Variants in TOP6BL observed in about 807,000 individuals in gnomAD.
The protein encoded by TOP6BL is type 2 DNA topoisomerase 6 subunit B-like.
the TOP6BL span, among the ~76,000 whole-genome samples, chr11:66,752,222 T>C: frequency 6.6e-6 from 1 of 151,992 alleles, no homozygotes; most frequent in South Asian, 2.1e-4. Flanking sequence ...AAAGAGTGTT[T>C]GGAAGGTAAA....
At chr11:66,806,692 C>T in the TOP6BL span, among the ~76,000 whole-genome samples, 1 of 152,062 alleles carries the variant, frequency 6.6e-6, no homozygotes, top group Non-Finnish European at 1.5e-5. Context: ...TACTTGAACC[C>T]AGGAGGCAGA....
chr11:66,811,281 CT>C, the TOP6BL span, among the ~76,000 whole-genome samples: 1 of 152,174 alleles, frequency 6.6e-6, no homozygotes, highest in Non-Finnish European at 1.5e-5. Flanking sequence ...AATCAGGCCC[CT>C]GAAATGATTT....
the TOP6BL span, among the ~76,000 whole-genome samples, chr11:66,783,302 G>A: frequency 6.6e-6 from 1 of 152,186 alleles, no homozygotes; most frequent in Admixed American, 6.5e-5. Context: ...GTTGAAGGCT[G>A]CAGTGAGCTA....
At chr11:66,765,758 C>T in the TOP6BL span, among the ~76,000 whole-genome samples, 1 of 152,188 alleles carries the variant, frequency 6.6e-6, no homozygotes, top group Non-Finnish European at 1.5e-5. Context: ...TCAGGTGATC[C>T]ACCCGCCTCG....
chr11:66,800,714 T>C, the TOP6BL span: 4 of 1,568,536 alleles, frequency 2.6e-6, no homozygotes, highest in African/African-American at 1.4e-5. Flanking sequence ...CTTAGGTCTA[T>C]GGCTTAAGAT....
the TOP6BL span, among the ~76,000 whole-genome samples, chr11:66,805,855 T>TTAA: frequency 1.1e-4 from 17 of 152,310 alleles, no homozygotes; most frequent in African/African-American, 4.1e-4. Flanking sequence ...TATTACACAT[T>TTAA]TAAAATGAGT....
At chr11:66,745,365 T>G in the TOP6BL span, among the ~76,000 whole-genome samples, 1 of 151,156 alleles carries the variant, frequency 6.6e-6, no homozygotes, top group African/African-American at 2.4e-5. Context: ...CAGTGCAGAC[T>G]GGGAGCGAGG....
chr11:66,761,581 G>T, the TOP6BL span: 1 of 1,165,314 alleles, frequency 8.6e-7, no homozygotes, highest in Non-Finnish European at 1.2e-6. Context: ...TGCTCTACTG[G>T]CTCTTGACAA....
At chr11:66,843,354 G>T in the TOP6BL span, 1 of 1,461,272 alleles carries the variant, frequency 6.8e-7, no homozygotes, top group Non-Finnish European at 9.0e-7. Flanking sequence ...TCCGCGTCGG[G>T]CCCGGGCGGG....
At chr11:66,825,537 A>G in the TOP6BL span, among the ~76,000 whole-genome samples, 1 of 150,806 alleles carries the variant, frequency 6.6e-6, no homozygotes, top group Non-Finnish European at 1.5e-5. Context: ...CCCTTCTGCC[A>G]TGTGAGGACA....
the TOP6BL span, among the ~76,000 whole-genome samples, chr11:66,768,630 T>C: frequency 6.6e-6 from 1 of 152,050 alleles, no homozygotes; most frequent in South Asian, 2.1e-4. Context: ...AAAGGTTGGC[T>C]GAAGATCAAG....
At chr11:66,801,405 A>G in the TOP6BL span, among the ~76,000 whole-genome samples, 1 of 152,336 alleles carries the variant, frequency 6.6e-6, no homozygotes, top group East Asian at 1.9e-4. Context: ...TATGAATTTA[A>G]AACTTTACTT....
chr11:66,838,479 T>C, the TOP6BL span: 3 of 1,579,062 alleles, frequency 1.9e-6, no homozygotes, highest in Non-Finnish European at 2.6e-6. Flanking sequence ...AGCCCTGGAC[T>C]GCAGCAGAGG....
the TOP6BL span, among the ~76,000 whole-genome samples, chr11:66,833,040 CTTT>C: frequency 1.4e-4 from 16 of 117,258 alleles, no homozygotes; most frequent in African/African-American, 5.1e-4. Flanking sequence ...ATCTTTCTGC[CTTT>C]TTTTTTTTTT....
the TOP6BL span, among the ~76,000 whole-genome samples, chr11:66,754,801 T>A: frequency 3.3e-5 from 5 of 152,150 alleles, no homozygotes; most frequent in Non-Finnish European, 5.9e-5. Flanking sequence ...TTGATTCTCG[T>A]CCCAAAGATT....
the TOP6BL span, chr11:66,788,310 T>C: frequency 7.4e-7 from 1 of 1,360,490 alleles, no homozygotes; most frequent in African/African-American, 1.4e-5. Flanking sequence ...AATGATTTTA[T>C]TCTTATTTTT....
chr11:66,823,615 T>C, the TOP6BL span, among the ~76,000 whole-genome samples: 3 of 151,066 alleles, frequency 2.0e-5, no homozygotes, highest in African/African-American at 7.3e-5. Flanking sequence ...AGGTCAGGAG[T>C]TCATGACCAG....
At chr11:66,843,284 C>T in the TOP6BL span, 17 of 1,592,774 alleles carry the variant, frequency 1.1e-5, no homozygotes, top group African/African-American at 1.6e-4. Flanking sequence ...TGCGGGCAGC[C>T]GTTATCCCGT....
chr11:66,776,660 A>G, the TOP6BL span, among the ~76,000 whole-genome samples: 1 of 152,056 alleles, frequency 6.6e-6, no homozygotes, highest in Non-Finnish European at 1.5e-5. Flanking sequence ...TATATTTGCA[A>G]TAGTTTTTAT....
Sources: allele counts gnomAD v4.1 joint callset (sites outside exome capture counted in the v4.1 genomes callset), GRCh38; gene constraint gnomAD v4.1.1; transcripts MANE v1.5; gene names NCBI Gene and HGNC (gene_info 2026-07-23, HGNC 2026-07-21).